The following CNTNAP4 variants were observed in gnomAD, a reference collection of about 807,000 sequenced individuals.
CNTNAP4 encodes the protein contactin-associated protein-like 4.
In CNTNAP4, 98 loss-of-function variants were observed where a neutral mutation model predicts 148.4. That is an observed-to-expected ratio of 0.66 (90% CI 0.56 to 0.78). The LOEUF (loss-of-function observed/expected upper bound fraction) is 0.78, where lower values mean the gene tolerates loss of function less well. Among genes scored for constraint, CNTNAP4 ranks in the 30% least tolerant of loss-of-function variants. The pLI is 0.00. For missense variants in CNTNAP4, 1,935 were observed against 1,565.6 expected, an observed-to-expected ratio of 1.24 and a Z score of -3.98; for synonymous variants, 730 against 565.1, an observed-to-expected ratio of 1.29 and a Z score of -4.14.
intron 2 of CNTNAP4, among the ~76,000 whole-genome samples, chr16:76,335,229 G>A (rs1031936876): frequency 1.3e-5 from 2 of 152,108 alleles, no homozygotes; most frequent in South Asian, 4.1e-4. Context: ...GGAAGGATGA[G>A]ATAAAAACAC....
chr16:76,461,889 T>C, intron 8 of CNTNAP4, 67 bp from the exon 9 acceptor site: 1 of 1,394,776 alleles, frequency 7.2e-7, no homozygotes, highest in Non-Finnish European at 1.0e-6. Context: ...TGTATATTGC[T>C]GTTTCTAACC....
At chr16:76,529,207 G>T (rs777097019) in intron 17 of CNTNAP4, among the ~76,000 whole-genome samples, 6 of 151,928 alleles carry the variant, frequency 3.9e-5, no homozygotes, top group Non-Finnish European at 8.8e-5. Flanking sequence ...TGTGACATTG[G>T]GTCTTTACTA....
At chr16:76,341,039 G>C (rs1964430962) in intron 2 of CNTNAP4, among the ~76,000 whole-genome samples, 1 of 152,146 alleles carries the variant, frequency 6.6e-6, no homozygotes, top group Non-Finnish European at 1.5e-5. Context: ...ACAAATTGAA[G>C]CTCCTTAATG....
chr16:76,299,045 G>T (rs1034126473), intron 1 of CNTNAP4, among the ~76,000 whole-genome samples: 23 of 152,032 alleles, frequency 1.5e-4, no homozygotes, highest in African/African-American at 5.6e-4. Flanking sequence ...AAAAACCCTA[G>T]AAGAAAACCT....
At chr16:76,415,178 C>G (rs2078932322) in intron 3 of CNTNAP4, among the ~76,000 whole-genome samples, 1 of 151,124 alleles carries the variant, frequency 6.6e-6, no homozygotes. Context: ...TAAACACACA[C>G]AGATGAAATA....
At chr16:76,326,451 G>T (rs1204716680) in intron 2 of CNTNAP4, among the ~76,000 whole-genome samples, 1 of 152,178 alleles carries the variant, frequency 6.6e-6, no homozygotes, top group Non-Finnish European at 1.5e-5. Flanking sequence ...GATGGGAAAA[G>T]CTAGCAAAAG....
rs1274622888 is a variant in CNTNAP4 at position 76,521,309 on chromosome 16, C to A, written c.2535C>A (p.Arg845=). 1 of 1,597,052 alleles carries A rather than the reference C, an allele frequency of 6.3e-7. No individual in the cohort carries two copies. Among genetic ancestry groups the A allele is most frequent in the Non-Finnish European group, 8.5e-7 (1 of 1,174,398 alleles). ...CTGATTTTATACGGATAGAGCTTCGCTGTAAGTCTCCTTTTCCAGAGAAGT... is the reference window on the plus strand; with the variant it reads ...CTGATTTTATACGGATAGAGCTTCGATGTAAGTCTCCTTTTCCAGAGAAGT... The part of the protein sequence containing the change: ...GIADFIRIEL[R]SPTVVTFSFD... Residue 845 remains arginine, a splice_region_variant and synonymous_variant, in exon 16 of 24, where the codon CGC becomes CGA. Coordinates refer to ENST00000611870, the MANE Select transcript of CNTNAP4 (RefSeq NM_033401.5).
intron 1 of CNTNAP4, among the ~76,000 whole-genome samples, chr16:76,292,356 G>A (rs1959148999): frequency 6.6e-6 from 1 of 152,108 alleles, no homozygotes; most frequent in Non-Finnish European, 1.5e-5. Flanking sequence ...TGTGGTGGTG[G>A]GTACAGACTG....
chr16:76,371,834 G>C (rs941617939), intron 3 of CNTNAP4, among the ~76,000 whole-genome samples: 7 of 152,158 alleles, frequency 4.6e-5, no homozygotes, highest in Non-Finnish European at 1.0e-4. Flanking sequence ...ATACTCTTCA[G>C]TTATCTAAGG....
chr16:76,304,638 C>T (rs998298840), intron 1 of CNTNAP4, among the ~76,000 whole-genome samples: 4 of 152,144 alleles, frequency 2.6e-5, no homozygotes, highest in Non-Finnish European at 5.9e-5. Flanking sequence ...ATGTGGACTC[C>T]ATTGTTAAAT....
intron 15 of CNTNAP4, among the ~76,000 whole-genome samples, chr16:76,516,105 C>T (rs544621163): frequency 2.0e-5 from 3 of 151,256 alleles, no homozygotes; most frequent in Non-Finnish European, 4.4e-5. Flanking sequence ...CCCCCACCCC[C>T]CAACAGGCCC....
At chr16:76,522,908 A>G (rs991463617) in intron 17 of CNTNAP4, among the ~76,000 whole-genome samples, 5 of 151,250 alleles carry the variant, frequency 3.3e-5, no homozygotes, top group Admixed American at 2.6e-4. Context: ...GATTACAGGT[A>G]CCTACCACTA....
At chr16:76,285,483 G>A (rs538721450) in intron 1 of CNTNAP4, among the ~76,000 whole-genome samples, 2 of 152,024 alleles carry the variant, frequency 1.3e-5, no homozygotes, top group South Asian at 4.2e-4. Context: ...AGCTCTAATT[G>A]CTTTTTTTAT....
chr16:76,369,615 G>T (rs181769715), intron 3 of CNTNAP4, among the ~76,000 whole-genome samples: 1 of 152,220 alleles, frequency 6.6e-6, no homozygotes, highest in Non-Finnish European at 1.5e-5. Context: ...GCCAAGGTGG[G>T]AGGATTACTT....
At chr16:76,457,649 C>T (rs7187256) in intron 8 of CNTNAP4, among the ~76,000 whole-genome samples, 1 of 151,734 alleles carries the variant, frequency 6.6e-6, no homozygotes, top group Non-Finnish European at 1.5e-5. Context: ...AGCACTGGCT[C>T]AGTGAAATAC....
intron 11 of CNTNAP4, among the ~76,000 whole-genome samples, chr16:76,477,623 C>G (rs1188009877): frequency 6.6e-6 from 1 of 152,148 alleles, no homozygotes; most frequent in Non-Finnish European, 1.5e-5. Flanking sequence ...ATTGTGTATA[C>G]TGAGGTGCCT....
intron 15 of CNTNAP4, among the ~76,000 whole-genome samples, chr16:76,519,394 A>G (rs1174790790): frequency 6.6e-6 from 1 of 152,204 alleles, no homozygotes; most frequent in Non-Finnish European, 1.5e-5. Flanking sequence ...TTATTGAGTT[A>G]GTTATGATAT....
At position 76,528,991 on chromosome 16, in the gene CNTNAP4, T is replaced by G. The variant is rs527985704; in HGVS notation, c.2756-6554T>G. 2.6e-4 allele frequency among the ~76,000 whole-genome samples: 39 copies of G among 152,238 alleles called. No individual in the cohort carries two copies. The Middle Eastern group carries it at 0.01, about 40-fold the overall frequency. ...GATGTCATGCAAAGTAAAGGAAGAA[T>G]AAAATAATGCACAAAACCCTTGTAT... On this transcript the variant is annotated intron_variant, in intron 17 of 23. Transcript: ENST00000611870.
chr16:76,341,835 G>A (rs1964493554), intron 2 of CNTNAP4, among the ~76,000 whole-genome samples: 2 of 152,276 alleles, frequency 1.3e-5, no homozygotes, highest in South Asian at 4.1e-4. Flanking sequence ...TTTAGCGAAA[G>A]TAAAGAAAAA....
Sources: gnomAD v4.1 joint callset for allele counts (sites outside exome capture counted in the v4.1 genomes callset) on GRCh38, gnomAD v4.1.1 for gene constraint, MANE v1.5 for transcripts, NCBI Gene and HGNC (gene_info 2026-07-23, HGNC 2026-07-21) for gene names.